Variants in PSMD3 observed in about 807,000 individuals in gnomAD.
PSMD3 encodes 26S proteasome non-ATPase regulatory subunit 3.
In PSMD3, 5 loss-of-function variants were observed where a neutral mutation model predicts 62.8. That is an observed-to-expected ratio of 0.08 (90% CI 0.04 to 0.17). PSMD3 has a LOEUF of 0.17. PSMD3 is among the 10% of genes least tolerant of loss of function. The pLI is 1.00. For synonymous variants in PSMD3, 265 were observed against 283.9 expected, an observed-to-expected ratio of 0.93 and a Z score of 0.67; for missense variants, 524 against 713.6, an observed-to-expected ratio of 0.73 and a Z score of 3.03.
In PSMD3 at chr17:39,995,956, T is replaced by A. The variant is rs578147270; in HGVS notation, c.1321-227T>A. ...CAACTTGGCGAAACCCCATCTCTACTGAAAATACAAAAATTAGCCAGGCCT... is the reference window on the plus strand; with the variant it reads ...CAACTTGGCGAAACCCCATCTCTACAGAAAATACAAAAATTAGCCAGGCCT... On this transcript the variant is annotated intron_variant, in intron 9 of 11. Coordinates refer to ENST00000264639, the MANE Select transcript of PSMD3 (RefSeq NM_002809.4). This position sits in a 1 kb window ranked among gnomAD's most constrained non-coding sequence, Gnocchi z 4.1. 4 of 553,648 alleles carry A rather than the reference T, an allele frequency of 7.2e-6. No homozygotes were observed. Among genetic ancestry groups the A allele is most frequent in the Non-Finnish European group, 1.3e-5 (4 of 315,518 alleles). 34.3% of individuals were successfully genotyped at this position (553,648 alleles called of 1,614,324 possible). A position where few individuals can be genotyped will look rare whatever the true frequency, so the allele number is the denominator to read the frequency against.
At position 39,984,484 on chromosome 17, in the gene PSMD3, G is replaced by C. The variant is rs763346628; in HGVS notation, c.411G>C (p.Glu137Asp). ...TRDFLLPFLE[E>D]PMDTEADLQF... ...ACTTTTTGCTCCCCTTCCTGGAAGA[G>C]GTGAGTGAGTCAGGCCAACTTAAAG... is the stretch of plus-strand genomic sequence containing the variant. The change falls in exon 2 of 12, where the codon GAG becomes GAC. Residue 137 changes from glutamate (E) to aspartate (D), a missense_variant and splice_region_variant. This residue lies in a region of PSMD3 where 396 missense variants were observed against 475.8 expected (regional missense o/e 0.83). Transcript: ENST00000264639. 6.2e-7 allele frequency: 1 copy of C among 1,609,884 alleles called. No individual in the cohort carries two copies. The highest frequency in any genetic ancestry group is 1.7e-5 in the Admixed American group (1 of 59,886).
intron 4 of PSMD3, 113 bp from the exon 5 acceptor site, chr17:39,989,626 C>A: frequency 9.4e-7 from 1 of 1,066,192 alleles, no homozygotes; most frequent in Non-Finnish European, 1.3e-6. Context: ...CAGCAAATAA[C>A]CAGAAAAGCA....
Position 39,989,944 on chromosome 17 carries a change from C to T in PSMD3, c.877+15C>T, listed in dbSNP as rs778378600. Reference sequence around the variant, plus strand: ...CTACTACACAGGTGAGCAGAGGGGCCCAACCCATAAATCAGAAGGTGTCTC... The same window carrying T: ...CTACTACACAGGTGAGCAGAGGGGCTCAACCCATAAATCAGAAGGTGTCTC... On this transcript the variant is annotated intron_variant, in intron 5 of 11. Coordinates refer to ENST00000264639, the MANE Select transcript of PSMD3 (RefSeq NM_002809.4). The T allele has an allele frequency of 3.1e-6, 5 of 1,605,060 alleles. No homozygotes were observed. The highest frequency in any genetic ancestry group is 1.1e-5 in the South Asian group (1 of 90,832).
At position 39,996,227 on chromosome 17, in the gene PSMD3, G is replaced by A. The variant is rs771943847; in HGVS notation, c.1365G>A (p.Lys455=). 6.2e-7 allele frequency: 1 copy of A among 1,614,028 alleles called. No homozygotes were observed. Among genetic ancestry groups the A allele is most frequent in the Non-Finnish European group, 8.5e-7 (1 of 1,180,030 alleles). Residue 455 remains lysine (K), a synonymous_variant, in exon 10 of 12, where the codon AAG becomes AAA. Coordinates refer to ENST00000264639, the MANE Select transcript of PSMD3 (RefSeq NM_002809.4). This position sits in a 1 kb window ranked among gnomAD's most constrained non-coding sequence, Gnocchi z 5.1. ...GVIEASINHE[K]GYVQSKEMID... is the part of the protein sequence containing the mutation. ...TTGAGGCCAGCATCAACCACGAGAA[G>A]GGCTATGTCCAATCCAAGGAGATGA...
rs1046577884 is a variant in PSMD3 at position 39,992,033 on chromosome 17, A to C, written c.981+1836A>C. 5.3e-5 allele frequency among the ~76,000 whole-genome samples: 8 copies of C among 151,652 alleles called. 1 individual carries two copies. The highest frequency in any genetic ancestry group is 1.7e-4 in the African/African-American group (7 of 41,352). ...GAGCAAGACTCTGTCTCAAAAAAAA[A>C]CAAACATTAAAATTGAACTGGTCTT... On this transcript the variant is annotated intron_variant, in intron 6 of 11. Transcript: ENST00000264639.
Position 39,996,359 on chromosome 17 carries a change from G to C in PSMD3, c.1476+21G>C. 1 of 1,610,504 alleles carries C rather than the reference G, an allele frequency of 6.2e-7. No homozygotes were observed. The highest frequency in any genetic ancestry group is 8.5e-7 in the Non-Finnish European group (1 of 1,178,082). Reference sequence around the variant, plus strand: ...TCAAGGTGAGAAGCCCGTGGCTGCAGAGTCACGCCTGGCAGCAGCACACCC... The same window carrying C: ...TCAAGGTGAGAAGCCCGTGGCTGCACAGTCACGCCTGGCAGCAGCACACCC... On this transcript the variant is annotated intron_variant, in intron 10 of 11. Transcript: ENST00000264639. The surrounding 1 kb of genome is among the most constrained non-coding windows in gnomAD (Gnocchi z 5.1).
At position 39,995,617 on chromosome 17, in the gene PSMD3, G is replaced by A. The variant is rs1980764349; in HGVS notation, c.1320+90G>A. ...AGTGGGAGGAGTTTGGCCAAGGAGG[G>A]GAATAGGTAAAGCAATGGCATAGTC... is the stretch of plus-strand genomic sequence containing the variant. On this transcript the variant is annotated intron_variant, in intron 9 of 11. Transcript: ENST00000264639. The surrounding 1 kb of genome is among the most constrained non-coding windows in gnomAD (Gnocchi z 4.1). The A allele has an allele frequency of 1.6e-6, 2 of 1,284,414 alleles. No individual in the cohort carries two copies. Among genetic ancestry groups the A allele is most frequent in the Non-Finnish European group, 2.2e-6 (2 of 892,280 alleles). 79.6% of individuals were successfully genotyped at this position (1,284,414 alleles called of 1,614,324 possible).
intron 1 of PSMD3, among the ~76,000 whole-genome samples, chr17:39,983,674 G>A (rs1309809316): frequency 6.6e-6 from 1 of 152,122 alleles, no homozygotes. Flanking sequence ...TTCACATTTA[G>A]AAAGTCTTTT....
rs1980762386 is a variant in PSMD3 at position 39,995,533 on chromosome 17, G to A, written c.1320+6G>A. 6.2e-7 allele frequency: 1 copy of A among 1,608,036 alleles called. No individual in the cohort carries two copies. The highest frequency in any genetic ancestry group is 8.5e-7 in the Non-Finnish European group (1 of 1,174,518). ...CAGAGTTCATTGTTGCCAAGGTGGG[G>A]CTGGTTCAGGAACCACAGTGACCAG... is the stretch of plus-strand genomic sequence containing the variant. On this transcript the variant is annotated splice_donor_region_variant and intron_variant, in intron 9 of 11. Transcript: ENST00000264639. This position sits in a 1 kb window ranked among gnomAD's most constrained non-coding sequence, Gnocchi z 4.1.
rs770955217 is a variant in PSMD3, at chr17:39,996,346, G to A, written c.1476+8G>A. 1 of 1,612,728 alleles carries A rather than the reference G, an allele frequency of 6.2e-7. No homozygotes were observed. Among genetic ancestry groups the A allele is most frequent in the African/African-American group, 1.3e-5 (1 of 74,950 alleles). On this transcript the variant is annotated splice_region_variant and intron_variant, in intron 10 of 11. Coordinates refer to ENST00000264639, the MANE Select transcript of PSMD3 (RefSeq NM_002809.4). This position sits in a 1 kb window ranked among gnomAD's most constrained non-coding sequence, Gnocchi z 5.1. ...CACAACATGTCTGTCAAGGTGAGAA[G>A]CCCGTGGCTGCAGAGTCACGCCTGG...
intron 6 of PSMD3, chr17:39,993,321 G>A (rs1427691170): frequency 1.3e-5 from 2 of 152,162 alleles, no homozygotes; most frequent in African/African-American, 2.4e-5. Flanking sequence ...CCATTCTGAG[G>A]TACTGGGGTT....
Position 39,984,203 on chromosome 17 carries a change from A to AT in PSMD3, c.221-91_221-90insT. On this transcript the variant is annotated intron_variant, in intron 1 of 11. Transcript: ENST00000264639. ...CGACAGAGTGAGACTCCGTCTCAAAAAAAAAAAAAAAAAAAAAAAGAACTC... is the reference window on the plus strand; with the variant it reads ...CGACAGAGTGAGACTCCGTCTCAAAATAAAAAAAAAAAAAAAAAAAGAACTC... The AT allele has an allele frequency of 1.2e-5, 7 of 574,548 alleles. No homozygotes were observed. The South Asian group carries it at 1.7e-4, about 14-fold the overall frequency. 35.6% of individuals were successfully genotyped at this position (574,548 alleles called of 1,614,324 possible).
At chr17:39,987,808 C>T (rs958646547) in intron 3 of PSMD3, among the ~76,000 whole-genome samples, 1 of 152,116 alleles carries the variant, frequency 6.6e-6, no homozygotes, top group African/African-American at 2.4e-5. Flanking sequence ...ATAATTCACC[C>T]CTTTAAAGTG....
At chr17:39,989,706 G>A (rs1159263440) in intron 4 of PSMD3, 33 bp from the exon 5 acceptor site, 2 of 1,592,186 alleles carry the variant, frequency 1.3e-6, no homozygotes, top group East Asian at 2.2e-5. Context: ...GTTGTGATTT[G>A]AAGGCTTTGA....
At chr17:39,984,803 CTCTT>C (rs1395089877) in intron 2 of PSMD3, among the ~76,000 whole-genome samples, 3 of 152,124 alleles carry the variant, frequency 2.0e-5, no homozygotes, top group African/African-American at 4.8e-5. Context: ...GTGCTGCTGC[CTCTT>C]TCTTCTGAAG....
intron 6 of PSMD3, 104 bp downstream of exon 6, chr17:39,990,301 A>C: frequency 1.0e-6 from 1 of 1,002,564 alleles, no homozygotes. Flanking sequence ...GGGTTCAAGA[A>C]GTCCTCCCAC....
intron 3 of PSMD3, among the ~76,000 whole-genome samples, chr17:39,987,114 T>C (rs554557263): frequency 7.9e-5 from 12 of 152,340 alleles, no homozygotes; most frequent in Admixed American, 6.5e-4. Context: ...AATAATTTGT[T>C]TAGAAATACT....
chr17:39,983,102 G>C (rs1021385328), intron 1 of PSMD3, among the ~76,000 whole-genome samples: 1 of 150,930 alleles, frequency 6.6e-6, no homozygotes, highest in African/African-American at 2.4e-5. Context: ...GCGCGATCTC[G>C]GCTCACTGCA....
At position 39,988,732 on chromosome 17, in the gene PSMD3, G is replaced by T. The variant is rs921989197; in HGVS notation, c.599G>T (p.Arg200Leu). The change falls in exon 4 of 12, where the codon CGC becomes CTC. Residue 200 changes from arginine (R) to leucine (L), a missense_variant. Arg to Leu is a moderately radical substitution (Grantham distance 102). This residue lies in a region of PSMD3 where 396 missense variants were observed against 475.8 expected (regional missense o/e 0.83). Coordinates refer to ENST00000264639, the MANE Select transcript of PSMD3 (RefSeq NM_002809.4). ...DLMQKISTQN[R>L]RALDLVAAKC... ...ATGCAGAAGATCAGTACTCAGAACC[G>T]CCGGGCCCTAGACCTTGTAGCCGCA... 6.2e-7 allele frequency: 1 copy of T among 1,614,026 alleles called. No homozygotes were observed. Among genetic ancestry groups the T allele is most frequent in the Non-Finnish European group, 8.5e-7 (1 of 1,180,022 alleles).
Sources: gnomAD v4.1 joint callset for allele counts (sites outside exome capture counted in the v4.1 genomes callset) on GRCh38, gnomAD v4.1.1 for gene constraint, gnomAD v4.1.1 regional missense constraint, Gnocchi (gnomAD v3.1) non-coding constraint, MANE v1.5 for transcripts, NCBI Gene and HGNC (gene_info 2026-07-23, HGNC 2026-07-21) for gene names.